ENPP6: variants seen among roughly 807,000 people sequenced by gnomAD.
The protein encoded by ENPP6 is glycerophosphocholine cholinephosphodiesterase ENPP6.
In ENPP6, 32 loss-of-function variants were observed where a neutral mutation model predicts 42.0. That is an observed-to-expected ratio of 0.76 (90% confidence interval 0.58 to 1.02). The LOEUF is 1.02. Ranked by LOEUF, ENPP6 falls within the 50% of genes least tolerant of loss-of-function variation. The probability of loss-of-function intolerance (pLI) is 0.00; values close to 1 mark genes in which losing one functional copy is unlikely to be tolerated. For synonymous variants in ENPP6, 213 were observed against 216.0 expected (o/e 0.99, Z 0.12); for missense variants, 552 against 566.8 (o/e 0.97, Z 0.27).
At chr4:184,117,693 CT>C in intron 4 of ENPP6, 65 bp downstream of exon 4, 1 of 1,592,364 alleles carries the variant, frequency 6.3e-7, no homozygotes, top group Non-Finnish European at 8.6e-7. Flanking sequence ...ACAGGAGTGA[CT>C]GTGGAGGAGA....
At chr4:184,147,677 T>C (rs974344714) in intron 2 of ENPP6, among the ~76,000 whole-genome samples, 1 of 151,512 alleles carries the variant, frequency 6.6e-6, no homozygotes, top group Admixed American at 6.6e-5. Context: ...GGTGTGCCCC[T>C]ATCATCCCAC....
At chr4:184,158,604 T>A (rs2111082261) in intron 1 of ENPP6, among the ~76,000 whole-genome samples, 1 of 152,342 alleles carries the variant, frequency 6.6e-6, no homozygotes, top group East Asian at 1.9e-4. Context: ...TTATGAAGAA[T>A]GCTTTGAATA....
intron 1 of ENPP6, among the ~76,000 whole-genome samples, chr4:184,197,507 T>C (rs1732821184): frequency 6.6e-6 from 1 of 152,236 alleles, no homozygotes; most frequent in African/African-American, 2.4e-5. Context: ...ATCTAAGGGA[T>C]GCCAGATGCT....
At chr4:184,201,115 C>T (rs1013051202) in intron 1 of ENPP6, among the ~76,000 whole-genome samples, 14 of 152,138 alleles carry the variant, frequency 9.2e-5, no homozygotes, top group African/African-American at 1.4e-4. Flanking sequence ...ACAGCACGCG[C>T]GCCCCCAGGA....
intron 7 of ENPP6, among the ~76,000 whole-genome samples, chr4:184,092,864 T>A (rs955112403): frequency 1.3e-5 from 2 of 152,190 alleles, no homozygotes; most frequent in African/African-American, 4.8e-5. Context: ...TGCTAAAGAA[T>A]CCTAAATACT....
chr4:184,105,790 G>A lies in ENPP6; in HGVS notation c.993+6882C>T, dbSNP rs188861717. Among the ~76,000 whole-genome samples the A allele has an allele frequency of 5.8e-4, 89 of 152,254 alleles. 1 individual carries two copies. Among genetic ancestry groups the A allele is most frequent in the African/African-American group, 2.0e-3 (81 of 41,538 alleles). ...TCTTTCCAAAGTCTACGATGATCCA[G>A]GCAAGAAAAATTAAGATTGTTGTTC... On this transcript the variant is annotated intron_variant, in intron 6 of 7. Transcript: ENST00000296741.
chr4:184,141,019 A>T, intron 2 of ENPP6, among the ~76,000 whole-genome samples: 1 of 98,506 alleles, frequency 1.0e-5, no homozygotes, highest in Non-Finnish European at 2.3e-5. Context: ...TCCAGAATCT[A>T]CAATGAACTC....
At chr4:184,096,212 A>G (rs957898180) in intron 7 of ENPP6, among the ~76,000 whole-genome samples, 5 of 152,236 alleles carry the variant, frequency 3.3e-5, no homozygotes, top group Admixed American at 6.5e-5. Flanking sequence ...AGAGTGAACG[A>G]TGGTAGGCTG....
At chr4:184,190,324 A>T (rs2111107212) in intron 1 of ENPP6, among the ~76,000 whole-genome samples, 1 of 152,344 alleles carries the variant, frequency 6.6e-6, no homozygotes, top group South Asian at 2.1e-4. Context: ...TTTGCAAAAT[A>T]CTTAATTCCT....
intron 1 of ENPP6, among the ~76,000 whole-genome samples, chr4:184,154,650 A>C (rs904719261): frequency 6.6e-6 from 1 of 152,102 alleles, no homozygotes; most frequent in Admixed American, 6.5e-5. Flanking sequence ...ATAAAATACT[A>C]TTTGGAAAAT....
In ENPP6 at chr4:184,122,769, T is replaced by G. The variant is rs535779318; in HGVS notation, c.533+1392A>C. On this transcript the variant is annotated intron_variant, in intron 3 of 7. Transcript: ENST00000296741. ...GTTGGGTTATTTGGAGGTATCTGTA[T>G]GACAACTCTAACCCGAAATTTCATA... Among the ~76,000 whole-genome samples the G allele has an allele frequency of 9.2e-5, 14 of 152,322 alleles. No individual in the cohort carries two copies. The East Asian group carries it at 2.3e-3, about 25-fold the overall frequency.
intron 1 of ENPP6, among the ~76,000 whole-genome samples, chr4:184,155,751 A>C (rs1324479775): frequency 6.6e-6 from 1 of 152,254 alleles, no homozygotes; most frequent in Admixed American, 6.5e-5. Context: ...GCTGCATACA[A>C]GGAAGCATGA....
chr4:184,126,061 T>A (rs1736497885), intron 2 of ENPP6, among the ~76,000 whole-genome samples: 1 of 152,238 alleles, frequency 6.6e-6, no homozygotes, highest in South Asian at 2.1e-4. Context: ...TTCTAGCATC[T>A]CTGACACATC....
chr4:184,134,771 A>T (rs1736705041), intron 2 of ENPP6, among the ~76,000 whole-genome samples: 1 of 150,080 alleles, frequency 6.7e-6, no homozygotes, highest in African/African-American at 2.5e-5. Flanking sequence ...ACATTTGGGG[A>T]TAATTAAATT....
intron 1 of ENPP6, among the ~76,000 whole-genome samples, chr4:184,158,828 C>CT (rs907713835): frequency 1.3e-5 from 2 of 152,094 alleles, no homozygotes; most frequent in Admixed American, 1.3e-4. Context: ...TTTTTCACAA[C>CT]TTTTTTCTTC....
At chr4:184,119,656 A>C (rs895654953) in intron 3 of ENPP6, among the ~76,000 whole-genome samples, 1 of 152,052 alleles carries the variant, frequency 6.6e-6, no homozygotes. Flanking sequence ...TCCCCACCCA[A>C]ATCTCATCTT....
intron 7 of ENPP6, among the ~76,000 whole-genome samples, chr4:184,094,792 C>T (rs1420783690): frequency 2.0e-5 from 3 of 152,276 alleles, no homozygotes; most frequent in Non-Finnish European, 4.4e-5. Context: ...TGTCTTATCT[C>T]AAACGTGGAG....
chr4:184,190,808 A>T (rs1243140777), intron 1 of ENPP6, among the ~76,000 whole-genome samples: 1 of 152,068 alleles, frequency 6.6e-6, no homozygotes, highest in Non-Finnish European at 1.5e-5. Context: ...CCCAGATGTG[A>T]CTTATCAAAA....
intron 1 of ENPP6, among the ~76,000 whole-genome samples, chr4:184,174,126 T>A (rs1266641092): frequency 1.4e-5 from 2 of 140,256 alleles, no homozygotes; most frequent in African/African-American, 5.4e-5. Flanking sequence ...TTAGAAGAGG[T>A]CCCAAATCCT....
Sources: gnomAD v4.1 joint callset for allele counts (sites outside exome capture counted in the v4.1 genomes callset) on GRCh38, gnomAD v4.1.1 for gene constraint, MANE v1.5 for transcripts, NCBI Gene and HGNC (gene_info 2026-07-23, HGNC 2026-07-21) for gene names.